ARHGAP42: variants seen among roughly 807,000 people sequenced by gnomAD.
ARHGAP42 encodes the protein Rho GTPase activating protein 42.
In ARHGAP42, 63 loss-of-function variants were observed where a neutral mutation model predicts 125.0. That is an observed-to-expected ratio of 0.50 (90% CI 0.41 to 0.62). The LOEUF (loss-of-function observed/expected upper bound fraction) is 0.62. Among genes scored for constraint, ARHGAP42 ranks in the 20% least tolerant of loss-of-function variants. The pLI, the probability that ARHGAP42 is intolerant of heterozygous loss-of-function variation, is 0.00. For synonymous variants in ARHGAP42, 339 were observed against 351.0 expected (o/e 0.97, Z 0.38); for missense variants, 766 against 1,024.2 (o/e 0.75, Z 3.44).
chr11:100,774,444 C>T lies in ARHGAP42; in HGVS notation c.250+4006C>T, dbSNP rs182436459. Among the ~76,000 whole-genome samples, 166 of 151,502 alleles carry T rather than the reference C, an allele frequency of 1.1e-3. 1 individual carries two copies. The South Asian group carries it at 0.012, about 11-fold the overall frequency. On this transcript the variant is annotated intron_variant, in intron 2 of 23. Transcript: ENST00000298815. The stretch of plus-strand genomic sequence containing the variant: ...TAGGGACAGCTGTGACTCTGAGCAG[C>T]GAGCAATAGCCCCACAACACTCTCA...
chr11:100,952,696 G>T (rs501831), intron 12 of ARHGAP42, among the ~76,000 whole-genome samples: 123,054 of 147,986 alleles, frequency 0.83, 51,317 homozygotes, highest in African/African-American at 0.87. Context: ...GCACCTCTGG[G>T]GTGGACATTG....
rs186119280 is a variant in ARHGAP42, at chr11:100,938,225, C to T, written c.832+1893C>T. Among the ~76,000 whole-genome samples the T allele has an allele frequency of 5.9e-5, 9 of 152,192 alleles. No individual in the cohort carries two copies. The East Asian group carries it at 7.7e-4, about 13-fold the overall frequency. ...ACCTTCTCTCCATCTCAACTGCCTTCGCCCAGGTGAGACCCTTGCAGTGAC... is the reference window on the plus strand; with the variant it reads ...ACCTTCTCTCCATCTCAACTGCCTTTGCCCAGGTGAGACCCTTGCAGTGAC... On this transcript the variant is annotated intron_variant, in intron 8 of 23. Transcript: ENST00000298815.
intron 3 of ARHGAP42, among the ~76,000 whole-genome samples, chr11:100,801,436 A>T (rs1212160801): frequency 6.6e-6 from 1 of 152,208 alleles, no homozygotes; most frequent in Non-Finnish European, 1.5e-5. Context: ...GCAGTTGCTC[A>T]TACCTGTAAT....
chr11:100,772,334 A>G (rs1024600606), intron 2 of ARHGAP42, among the ~76,000 whole-genome samples: 1 of 152,200 alleles, frequency 6.6e-6, no homozygotes, highest in South Asian at 2.1e-4. Flanking sequence ...CTTTCTCTGC[A>G]TGTGGAATTT....
chr11:100,748,603 G>T (rs1862363046), intron 1 of ARHGAP42, among the ~76,000 whole-genome samples: 1 of 152,146 alleles, frequency 6.6e-6, no homozygotes, highest in African/African-American at 2.4e-5. Flanking sequence ...GTGCTGACCT[G>T]ATGAGGTGTG....
At chr11:100,985,158 C>G (rs74547533) in intron 22 of ARHGAP42, among the ~76,000 whole-genome samples, 7,493 of 152,184 alleles carry the variant, frequency 0.049, 323 homozygotes, top group East Asian at 0.25. Flanking sequence ...ACATATATGT[C>G]TAAAATATTA....
Position 100,734,713 on chromosome 11 carries a change from C to G in ARHGAP42, c.155-35630C>G, listed in dbSNP as rs146207938. On this transcript the variant is annotated intron_variant, in intron 1 of 23. Transcript: ENST00000298815. ...TCCCTAGTGGCTTCAAAATGTCAAC[C>G]TGTTGGAAGAACAATCCCAGTTGAA... Among the ~76,000 whole-genome samples, 14 of 152,294 alleles carry G rather than the reference C, an allele frequency of 9.2e-5. No homozygotes were observed. In the East Asian group the frequency reaches 2.5e-3, roughly 27 times the overall value.
intron 6 of ARHGAP42, among the ~76,000 whole-genome samples, chr11:100,924,956 C>G (rs553642462): frequency 6.6e-6 from 1 of 151,820 alleles, no homozygotes; most frequent in African/African-American, 2.4e-5. Flanking sequence ...GCCTCCTGAG[C>G]GAGTAGCTGA....
At chr11:100,960,085 C>A in intron 13 of ARHGAP42, 140 bp downstream of exon 13, 1 of 747,508 alleles carries the variant, frequency 1.3e-6, no homozygotes, top group Non-Finnish European at 2.2e-6. Flanking sequence ...ATGTATGTAT[C>A]GGTATACAAA....
chr11:100,835,453 A>G (rs1864763556), intron 3 of ARHGAP42, among the ~76,000 whole-genome samples: 1 of 152,056 alleles, frequency 6.6e-6, no homozygotes, highest in Non-Finnish European at 1.5e-5. Flanking sequence ...GTTTGGTGGT[A>G]CTCATTCTTA....
At chr11:100,941,906 T>A (rs756163673) in intron 9 of ARHGAP42, 22 bp downstream of exon 9, 13 of 1,477,842 alleles carry the variant, frequency 8.8e-6, no homozygotes, top group Middle Eastern at 2.0e-4. Context: ...TTGTTTTCTG[T>A]TTGTTTTTTA....
At chr11:100,786,428 T>G (rs1185022019) in intron 2 of ARHGAP42, among the ~76,000 whole-genome samples, 2 of 152,214 alleles carry the variant, frequency 1.3e-5, no homozygotes, top group African/African-American at 4.8e-5. Context: ...AATTAAGTTT[T>G]GAAATTGTGT....
At position 100,946,343 on chromosome 11, in the gene ARHGAP42, C is replaced by G. The variant is rs963143208; in HGVS notation, c.1044-2114C>G. Among the ~76,000 whole-genome samples the G allele has an allele frequency of 2.6e-5, 4 of 152,202 alleles. 1 individual carries two copies. The South Asian group carries it at 8.3e-4, about 32-fold the overall frequency. Reference sequence around the variant, plus strand: ...TTGATTCCTAGCGTTTGTGTATTCACTGGAGTGGCACTTTTAATTTCCTTT... The same window carrying G: ...TTGATTCCTAGCGTTTGTGTATTCAGTGGAGTGGCACTTTTAATTTCCTTT... On this transcript the variant is annotated intron_variant, in intron 10 of 23. Transcript: ENST00000298815.
intron 1 of ARHGAP42, among the ~76,000 whole-genome samples, chr11:100,707,972 C>T (rs751607585): frequency 6.6e-6 from 1 of 152,174 alleles, no homozygotes; most frequent in Non-Finnish European, 1.5e-5. Context: ...AATATGATAT[C>T]TGTTCTTCAT....
Position 100,992,753 on chromosome 11 carries a change from A to G in ARHGAP42, c.*3952A>G. ...ATTGGATTTTTTATTTTTTGAGGGC[A>G]GCTGCCCTCACTGTTTTAAATAAAG... On this transcript the variant is annotated 3_prime_UTR_variant, in exon 24 of 24. Transcript: ENST00000298815. 1 of 1,505,804 alleles carries G rather than the reference A, an allele frequency of 6.6e-7. No individual in the cohort carries two copies. Among genetic ancestry groups the G allele is most frequent in the Non-Finnish European group, 8.9e-7 (1 of 1,123,076 alleles). The allele number at this position is 1,505,804 out of a possible 1,614,324, so 93.3% of individuals were successfully genotyped here. A position where few individuals can be genotyped will look rare whatever the true frequency, so the allele number is the denominator to read the frequency against.
At chr11:100,719,882 G>C (rs1861730984) in intron 1 of ARHGAP42, among the ~76,000 whole-genome samples, 1 of 152,182 alleles carries the variant, frequency 6.6e-6, no homozygotes, top group South Asian at 2.1e-4. Context: ...TAGCAGCAAG[G>C]CTATTTACTA....
rs1303421223 is a variant in ARHGAP42 at position 100,990,645 on chromosome 11, G to A, written c.*1844G>A. ...GGTGTGTTGCTGGATCTTCTTGGTC[G>A]AGGTCCTTGGTGACCTTAGTAGTAA... On this transcript the variant is annotated 3_prime_UTR_variant, in exon 24 of 24. Coordinates refer to ENST00000298815, the MANE Select transcript of ARHGAP42 (RefSeq NM_152432.4). The A allele has an allele frequency of 1.3e-5, 2 of 152,506 alleles. No individual in the cohort carries two copies. Among genetic ancestry groups the A allele is most frequent in the Non-Finnish European group, 2.9e-5 (2 of 68,022 alleles). The allele number at this position is 152,506 out of a possible 1,614,324, so 9.4% of individuals were successfully genotyped here.
intron 3 of ARHGAP42, among the ~76,000 whole-genome samples, chr11:100,821,962 C>T (rs930461384): frequency 2.6e-5 from 4 of 152,174 alleles, no homozygotes; most frequent in Middle Eastern, 3.4e-3. Context: ...ATTTCTTCAT[C>T]TAGGTAGAAT....
At chr11:100,864,866 A>G (rs1326020117) in intron 4 of ARHGAP42, among the ~76,000 whole-genome samples, 7 of 152,142 alleles carry the variant, frequency 4.6e-5, no homozygotes, top group Admixed American at 1.3e-4. Flanking sequence ...TTTTTGAAAT[A>G]CCCCTTGATG....
Sources: gnomAD v4.1 joint callset for allele counts (sites outside exome capture counted in the v4.1 genomes callset) on GRCh38, gnomAD v4.1.1 for gene constraint, MANE v1.5 for transcripts, NCBI Gene and HGNC (gene_info 2026-07-23, HGNC 2026-07-21) for gene names.